The following EPHA6 variants were observed in gnomAD, a reference collection of about 807,000 sequenced individuals.
The protein encoded by EPHA6 is ephrin type-A receptor 6.
In EPHA6, 50 loss-of-function variants were observed where a neutral mutation model predicts 112.0. The ratio of observed to expected loss-of-function variants is 0.45; its 90% CI spans 0.36 to 0.56. The LOEUF (loss-of-function observed/expected upper bound fraction) is 0.56, where lower values mean the gene tolerates loss of function less well. Among genes scored for constraint, EPHA6 ranks in the 20% least tolerant of loss-of-function variants. The pLI, the probability that EPHA6 is intolerant of heterozygous loss-of-function variation, is 0.00. For synonymous variants in EPHA6, 529 were observed against 490.7 expected (o/e 1.08, Z -1.03); for missense variants, 1,280 against 1,417.4 (o/e 0.90, Z 1.56).
chr3:97,057,138 CAT>C (rs572544587), intron 3 of EPHA6, among the ~76,000 whole-genome samples: 66 of 152,144 alleles, frequency 4.3e-4, no homozygotes, highest in African/African-American at 9.4e-4. Flanking sequence ...AGAATAGTGA[CAT>C]GTGTGTGATT....
chr3:97,724,441 T>C (rs982594416), intron 15 of EPHA6, among the ~76,000 whole-genome samples: 14 of 152,156 alleles, frequency 9.2e-5, no homozygotes, highest in African/African-American at 3.4e-4. Context: ...TTAGACCAAA[T>C]GTGTATGTGG....
intron 2 of EPHA6, among the ~76,000 whole-genome samples, chr3:96,980,323 T>G (rs1333347358): frequency 5.9e-5 from 9 of 152,108 alleles, no homozygotes; most frequent in Middle Eastern, 3.2e-3. Flanking sequence ...TTTCCCCATT[T>G]CTTGTTTATG....
chr3:97,265,918 A>T (rs552370096), intron 5 of EPHA6, among the ~76,000 whole-genome samples: 10 of 152,248 alleles, frequency 6.6e-5, no homozygotes, highest in Non-Finnish European at 1.5e-4. Context: ...TTATAAAAGC[A>T]GGCATTGGGC....
At chr3:97,370,237 T>G (rs145759550) in intron 5 of EPHA6, among the ~76,000 whole-genome samples, 37 of 152,314 alleles carry the variant, frequency 2.4e-4, no homozygotes, top group African/African-American at 8.4e-4. Flanking sequence ...TAACTCATTT[T>G]CCTGAAAATT....
intron 3 of EPHA6, among the ~76,000 whole-genome samples, chr3:97,210,901 C>G (rs2077854592): frequency 1.3e-5 from 2 of 152,112 alleles, no homozygotes; most frequent in Non-Finnish European, 2.9e-5. Flanking sequence ...ACTTGTCCGG[C>G]AAATTGGTGC....
At chr3:97,351,764 A>T (rs1228872619) in intron 5 of EPHA6, among the ~76,000 whole-genome samples, 1 of 152,180 alleles carries the variant, frequency 6.6e-6, no homozygotes, top group Non-Finnish European at 1.5e-5. Context: ...TATATGTCAT[A>T]AAAGAAAACG....
At chr3:97,171,220 GTGAA>G (rs1164879237) in intron 3 of EPHA6, among the ~76,000 whole-genome samples, 12 of 152,140 alleles carry the variant, frequency 7.9e-5, no homozygotes, top group African/African-American at 2.4e-4. Context: ...AAATGTTTAA[GTGAA>G]TGAATGAATG....
At chr3:97,262,499 A>T (rs2079537502) in intron 5 of EPHA6, among the ~76,000 whole-genome samples, 1 of 152,182 alleles carries the variant, frequency 6.6e-6, no homozygotes, top group African/African-American at 2.4e-5. Flanking sequence ...AAACCTCTAC[A>T]CATGCATGTA....
chr3:97,645,768 GT>G (rs1364208252), intron 14 of EPHA6, among the ~76,000 whole-genome samples: 4 of 151,976 alleles, frequency 2.6e-5, no homozygotes, highest in Admixed American at 1.3e-4. Flanking sequence ...GTATAATTCA[GT>G]TTTTTTAAGT....
At chr3:97,643,584 A>G (rs1306901118) in intron 14 of EPHA6, among the ~76,000 whole-genome samples, 12 of 149,130 alleles carry the variant, frequency 8.0e-5, no homozygotes, top group African/African-American at 1.7e-4. Flanking sequence ...TCAAAATAAA[A>G]GGATGGAGGA....
chr3:96,836,476 T>A lies in EPHA6; in HGVS notation c.385+21468T>A, dbSNP rs111684192. The stretch of plus-strand genomic sequence containing the variant: ...TGTTGTAGCAATGGAATACTGTTTG[T>A]CAAAACGTTTTGAAAATTGTGAAGT... On this transcript the variant is annotated intron_variant, in intron 1 of 17. Transcript: ENST00000389672. Among the ~76,000 whole-genome samples, 242 of 152,278 alleles carry A rather than the reference T, an allele frequency of 1.6e-3. 4 individuals carry two copies. The Middle Eastern group carries it at 0.024, about 15-fold the overall frequency.
chr3:97,151,595 A>C (rs1190946811), intron 3 of EPHA6, among the ~76,000 whole-genome samples: 1 of 152,064 alleles, frequency 6.6e-6, no homozygotes, highest in African/African-American at 2.4e-5. Flanking sequence ...GTTTAACACT[A>C]TCTGGGTCTT....
chr3:96,859,773 T>C (rs959654054), intron 1 of EPHA6, among the ~76,000 whole-genome samples: 6 of 152,104 alleles, frequency 3.9e-5, no homozygotes, highest in Admixed American at 6.6e-5. Context: ...CTTGGCACAT[T>C]TATGAAAAGT....
intron 14 of EPHA6, among the ~76,000 whole-genome samples, chr3:97,689,642 ATAT>A (rs1164788467): frequency 1.3e-5 from 2 of 152,154 alleles, no homozygotes; most frequent in African/African-American, 4.8e-5. Context: ...GACAATTAAG[ATAT>A]TATTTACATA....
intron 6 of EPHA6, among the ~76,000 whole-genome samples, chr3:97,429,928 CAG>C (rs1347196588): frequency 6.6e-6 from 1 of 152,158 alleles, no homozygotes; most frequent in African/African-American, 2.4e-5. Context: ...TGGCCCCAGT[CAG>C]AGTCTTGTTA....
chr3:96,904,014 G>A (rs1463670935), intron 2 of EPHA6, among the ~76,000 whole-genome samples: 1 of 152,102 alleles, frequency 6.6e-6, no homozygotes, highest in Admixed American at 6.5e-5. Context: ...TGGTGGGACT[G>A]TAAACTAGTT....
At chr3:97,593,640 A>G (rs148035696) in intron 12 of EPHA6, among the ~76,000 whole-genome samples, 4 of 152,354 alleles carry the variant, frequency 2.6e-5, no homozygotes, top group Admixed American at 6.5e-5. Context: ...GAAATCCAAT[A>G]AAAACAAAAA....
intron 3 of EPHA6, among the ~76,000 whole-genome samples, chr3:97,101,739 T>C (rs758717320): frequency 6.6e-6 from 1 of 152,112 alleles, no homozygotes; most frequent in Non-Finnish European, 1.5e-5. Flanking sequence ...TAAAATTCTT[T>C]ACAACATGAC....
At chr3:97,555,228 A>G (rs2093088167) in intron 11 of EPHA6, among the ~76,000 whole-genome samples, 2 of 151,938 alleles carry the variant, frequency 1.3e-5, no homozygotes, top group South Asian at 2.1e-4. Context: ...ATGATTTCCA[A>G]TTTCATCCAT....
Sources: gnomAD v4.1 joint callset for allele counts (sites outside exome capture counted in the v4.1 genomes callset) on GRCh38, gnomAD v4.1.1 for gene constraint, MANE v1.5 for transcripts, NCBI Gene and HGNC (gene_info 2026-07-23, HGNC 2026-07-21) for gene names.